GNG2: variants seen among roughly 807,000 people sequenced by gnomAD.
GNG2 encodes the protein G protein subunit gamma 2, also known as guanine nucleotide-binding protein G(I)/G(S)/G(O) subunit gamma-2.
A neutral mutation model predicts 5.5 loss-of-function variants in GNG2; 5 were observed. The observed-to-expected ratio is 0.91, with a 90% CI of 0.48 to 1.92. The LOEUF is 1.92. Ranked by LOEUF, GNG2 falls within the 30% of genes most tolerant of loss-of-function variation. The pLI, the probability that GNG2 is intolerant of heterozygous loss-of-function variation, is 0.01. For synonymous variants in GNG2, 28 were observed against 32.0 expected (o/e 0.88, Z 0.42); for missense variants, 55 against 88.4 (o/e 0.62, Z 1.52).
Position 51,955,484 on chromosome 14 carries a change from A to G in GNG2, c.87+4719A>G, listed in dbSNP as rs577283122. On this transcript the variant is annotated intron_variant, in intron 3 of 3. Coordinates refer to ENST00000556766, the MANE Select transcript of GNG2 (RefSeq NM_053064.5). ...GTCCTTTTCAAAGACCATGTTGTCTACTTGTTTGCATCTTTCATGGTACTG... is the reference window on the plus strand; with the variant it reads ...GTCCTTTTCAAAGACCATGTTGTCTGCTTGTTTGCATCTTTCATGGTACTG... Among the ~76,000 whole-genome samples the G allele has an allele frequency of 2.6e-5, 4 of 152,322 alleles. No individual in the cohort carries two copies. The East Asian group carries it at 7.7e-4, about 29-fold the overall frequency.
intron 1 of GNG2, among the ~76,000 whole-genome samples, chr14:51,874,441 AACAGT>A (rs1437110396): frequency 6.8e-6 from 1 of 147,978 alleles, no homozygotes; most frequent in Admixed American, 6.7e-5. Flanking sequence ...AAAAAAAAAA[AACAGT>A]CTGGCTGGGT....
chr14:51,838,965 A>G (rs1201582854), intron 2 of GNG2, among the ~76,000 whole-genome samples: 1 of 152,198 alleles, frequency 6.6e-6, no homozygotes, highest in African/African-American at 2.4e-5. Context: ...TGTACACCCC[A>G]TGGATGAATC....
chr14:51,918,261 AGCT>A (rs997934145), intron 2 of GNG2, among the ~76,000 whole-genome samples: 18 of 152,188 alleles, frequency 1.2e-4, no homozygotes, highest in African/African-American at 4.8e-5. Flanking sequence ...CGTGGTAAAG[AGCT>A]GCACTGTCTC....
chr14:51,854,079 G>T (rs1033226663), intron 2 of GNG2, among the ~76,000 whole-genome samples: 1 of 151,948 alleles, frequency 6.6e-6, no homozygotes, highest in Admixed American at 6.6e-5. Context: ...TCACTGTGTT[G>T]GCCAGGCTGG....
At chr14:51,920,411 C>T (rs931129459) in intron 2 of GNG2, among the ~76,000 whole-genome samples, 16 of 151,174 alleles carry the variant, frequency 1.1e-4, no homozygotes, top group African/African-American at 3.4e-4. Context: ...AGTTATTATA[C>T]TATATTTTTA....
At chr14:51,892,934 G>C (rs530565441) in intron 2 of GNG2, among the ~76,000 whole-genome samples, 91 of 152,332 alleles carry the variant, frequency 6.0e-4, no homozygotes, top group Non-Finnish European at 1.2e-3. Context: ...TTAATGTGCA[G>C]CTATCTTTTA....
At chr14:51,832,157 A>G (rs2790506) in intron 2 of GNG2, among the ~76,000 whole-genome samples, 136,767 of 151,758 alleles carry the variant, frequency 0.9, 62,389 homozygotes, top group Non-Finnish European at 0.98. Context: ...GCACACACAT[A>G]TGGTTTCAGC....
chr14:51,939,456 C>G (rs567429130), intron 2 of GNG2, among the ~76,000 whole-genome samples: 1 of 152,316 alleles, frequency 6.6e-6, no homozygotes, highest in South Asian at 2.1e-4. Context: ...TACTGGAAAG[C>G]AGAGAGCTGT....
intron 2 of GNG2, among the ~76,000 whole-genome samples, chr14:51,833,299 A>T (rs750784610): frequency 2.6e-5 from 4 of 152,206 alleles, no homozygotes; most frequent in African/African-American, 9.7e-5. Flanking sequence ...TAAACATTCT[A>T]TGAAAATCTT....
intron 2 of GNG2, among the ~76,000 whole-genome samples, chr14:51,929,942 T>G: frequency 6.6e-6 from 1 of 152,056 alleles, no homozygotes; most frequent in East Asian, 1.9e-4. Flanking sequence ...CAAAAGAAAA[T>G]ATATCACCTT....
At chr14:51,844,472 T>C (rs1190456018) in intron 2 of GNG2, among the ~76,000 whole-genome samples, 2 of 152,140 alleles carry the variant, frequency 1.3e-5, no homozygotes, top group Admixed American at 6.5e-5. Flanking sequence ...TTGGCTTCAG[T>C]GGAGCTGAAG....
chr14:51,914,035 A>G lies in GNG2; in HGVS notation c.-30+36378A>G, dbSNP rs1886454616. ...GTAAGAATTTCCATGTGTGCTTAAA[A>G]CTGGGAGTCACTGTATCCAATATAA... On this transcript the variant is annotated intron_variant, in intron 2 of 3. Coordinates refer to ENST00000556766, the MANE Select transcript of GNG2 (RefSeq NM_053064.5). 1.5e-5 allele frequency: 8 copies of G among 523,482 alleles called. No homozygotes were observed. The South Asian group carries it at 2.2e-4, about 15-fold the overall frequency. 32.4% of individuals were successfully genotyped at this position (523,482 alleles called of 1,614,324 possible).
intron 2 of GNG2, among the ~76,000 whole-genome samples, chr14:51,842,728 A>G (rs1378260456): frequency 1.3e-5 from 2 of 151,188 alleles, no homozygotes; most frequent in Non-Finnish European, 1.5e-5. Context: ...GCAGTGGCAC[A>G]ATCTCGGCTC....
intron 1 of GNG2, among the ~76,000 whole-genome samples, chr14:51,827,161 G>A (rs1323602061): frequency 6.6e-6 from 1 of 152,170 alleles, no homozygotes; most frequent in African/African-American, 2.4e-5. Flanking sequence ...CCACATCCCA[G>A]GTGAATTAAA....
At chr14:51,945,370 C>T (rs1462599932) in intron 2 of GNG2, among the ~76,000 whole-genome samples, 3 of 152,158 alleles carry the variant, frequency 2.0e-5, no homozygotes, top group African/African-American at 7.2e-5. Context: ...GAAGGACATT[C>T]TGATAGGCTC....
chr14:51,834,390 C>T (rs10135503), intron 2 of GNG2, among the ~76,000 whole-genome samples: 14,326 of 152,214 alleles, frequency 0.094, 981 homozygotes, highest in African/African-American at 0.19. Context: ...GACTCCCCTG[C>T]CGAGGTCAGA....
intron 1 of GNG2, among the ~76,000 whole-genome samples, chr14:51,869,751 G>T (rs910953574): frequency 6.6e-6 from 1 of 152,136 alleles, no homozygotes; most frequent in African/African-American, 2.4e-5. Flanking sequence ...GAGCACAATA[G>T]ATCCACCCAC....
At chr14:51,937,425 A>G (rs1185009640) in intron 2 of GNG2, among the ~76,000 whole-genome samples, 1 of 152,136 alleles carries the variant, frequency 6.6e-6, no homozygotes, top group African/African-American at 2.4e-5. Context: ...TATATTAGTT[A>G]ATATTTCCTT....
chr14:51,957,202 C>T (rs1203987606), intron 3 of GNG2, among the ~76,000 whole-genome samples: 5 of 152,146 alleles, frequency 3.3e-5, no homozygotes, highest in Admixed American at 2.6e-4. Flanking sequence ...GTTTATTCTT[C>T]CACCTTCTGT....
Sources: gnomAD v4.1 joint callset for allele counts (sites outside exome capture counted in the v4.1 genomes callset) on GRCh38, gnomAD v4.1.1 for gene constraint, MANE v1.5 for transcripts, NCBI Gene and HGNC (gene_info 2026-07-23, HGNC 2026-07-21) for gene names.